The following PLEKHA7 variants were observed in gnomAD, a reference collection of about 807,000 sequenced individuals.
PLEKHA7 encodes pleckstrin homology domain containing A7, also known as pleckstrin homology domain-containing family A member 7.
A neutral mutation model predicts 170.0 loss-of-function variants in PLEKHA7; 104 were observed. The observed-to-expected ratio is 0.61, with a 90% CI of 0.52 to 0.72. The LOEUF (loss-of-function observed/expected upper bound fraction) is 0.72, where lower values mean the gene tolerates loss of function less well. Ranked by LOEUF, PLEKHA7 falls within the 30% of genes least tolerant of loss-of-function variation. The probability of loss-of-function intolerance (pLI) is 0.00; values close to 1 mark genes in which losing one functional copy is unlikely to be tolerated. For synonymous variants in PLEKHA7, 648 were observed against 660.8 expected (o/e 0.98, Z 0.30); for missense variants, 1,615 against 1,671.7 (o/e 0.97, Z 0.59).
chr11:16,991,142 C>G (rs1194300459), intron 3 of PLEKHA7, among the ~76,000 whole-genome samples: 1 of 152,200 alleles, frequency 6.6e-6, no homozygotes, highest in Non-Finnish European at 1.5e-5. Context: ...GCCCAGCCCT[C>G]TGCCCCCGAG....
At chr11:16,961,693 G>A (rs1862070795) in intron 3 of PLEKHA7, among the ~76,000 whole-genome samples, 2 of 152,250 alleles carry the variant, frequency 1.3e-5, no homozygotes, top group Non-Finnish European at 2.9e-5. Flanking sequence ...AGGGCCCGGT[G>A]TGTGGAAGGT....
At chr11:16,883,989 T>TTA (rs966162396) in intron 3 of PLEKHA7, among the ~76,000 whole-genome samples, 15 of 149,098 alleles carry the variant, frequency 1.0e-4, no homozygotes, top group Non-Finnish European at 1.3e-4. Flanking sequence ...ACTTAAAATT[T>TTA]TATATATATA....
chr11:16,845,182 T>A (rs397343), intron 8 of PLEKHA7, among the ~76,000 whole-genome samples: 1 of 152,096 alleles, frequency 6.6e-6, no homozygotes, highest in Non-Finnish European at 1.5e-5. Flanking sequence ...CCACAGTGTG[T>A]TCATCTTCAA....
At chr11:16,983,466 G>A (rs1471482688) in intron 3 of PLEKHA7, among the ~76,000 whole-genome samples, 3 of 152,146 alleles carry the variant, frequency 2.0e-5, no homozygotes, top group African/African-American at 4.8e-5. Flanking sequence ...CATGAAGTCT[G>A]GGAGGAGGAG....
At chr11:16,818,915 T>C (rs1849992185) in intron 10 of PLEKHA7, among the ~76,000 whole-genome samples, 1 of 152,076 alleles carries the variant, frequency 6.6e-6, no homozygotes, top group East Asian at 1.9e-4. Context: ...GTGATTCTCC[T>C]GCCTCAGCCT....
chr11:16,779,530 C>T (rs1590089178), intron 26 of PLEKHA7, among the ~76,000 whole-genome samples: 3 of 152,330 alleles, frequency 2.0e-5, no homozygotes, highest in African/African-American at 7.2e-5. Flanking sequence ...TGTTACTGTG[C>T]TCAGATCTCT....
At chr11:16,861,170 CA>C (rs1853914171) in intron 4 of PLEKHA7, among the ~76,000 whole-genome samples, 1 of 152,064 alleles carries the variant, frequency 6.6e-6, no homozygotes, top group Non-Finnish European at 1.5e-5. Context: ...GTTTAAAGCA[CA>C]GTAATTCTGT....
intron 3 of PLEKHA7, among the ~76,000 whole-genome samples, chr11:17,006,226 G>A (rs111689608): frequency 2.0e-5 from 3 of 151,904 alleles, no homozygotes. Flanking sequence ...CGGGCATGGT[G>A]GTGGGCGCCT....
rs191175769 is a variant in PLEKHA7 at position 16,805,619 on chromosome 11, A to G, written c.2008-2324T>C. On this transcript the variant is annotated intron_variant, in intron 13 of 26. Transcript: ENST00000531066. The stretch of plus-strand genomic sequence containing the variant: ...AGTCTGGCCAACATGGTGAAACCCC[A>G]TCTCTACTAAAAATACAAAAATTAG... Among the ~76,000 whole-genome samples the G allele has an allele frequency of 6.8e-3, 1,037 of 151,810 alleles. 11 individuals carry two copies. The highest frequency in any genetic ancestry group is 0.024 in the African/African-American group (990 of 41,380).
At chr11:17,001,206 C>T (rs1421254010) in intron 3 of PLEKHA7, among the ~76,000 whole-genome samples, 1 of 152,186 alleles carries the variant, frequency 6.6e-6, no homozygotes, top group Non-Finnish European at 1.5e-5. Context: ...CTGGGCACTG[C>T]TGGAGGGCAG....
intron 3 of PLEKHA7, among the ~76,000 whole-genome samples, chr11:16,927,741 C>T (rs1859665095): frequency 6.6e-6 from 1 of 152,196 alleles, no homozygotes; most frequent in Non-Finnish European, 1.5e-5. Context: ...AATTCCGCAA[C>T]CAAGAATTTA....
At chr11:16,901,577 T>C (rs1270403451) in intron 3 of PLEKHA7, among the ~76,000 whole-genome samples, 1 of 152,108 alleles carries the variant, frequency 6.6e-6, no homozygotes, top group East Asian at 1.9e-4. Flanking sequence ...TCACTTAAAG[T>C]GTACAGTGTA....
intron 15 of PLEKHA7, among the ~76,000 whole-genome samples, chr11:16,802,025 A>G (rs1166072691): frequency 6.6e-6 from 1 of 152,158 alleles, no homozygotes; most frequent in Non-Finnish European, 1.5e-5. Context: ...CTGTGCCTCA[A>G]TTTTGTCATC....
chr11:17,006,969 C>A (rs1865036014), intron 3 of PLEKHA7, among the ~76,000 whole-genome samples: 1 of 152,256 alleles, frequency 6.6e-6, no homozygotes, highest in Non-Finnish European at 1.5e-5. Context: ...ACAAAACACA[C>A]ACCCTTGATA....
chr11:16,920,713 G>T (rs191108044), intron 3 of PLEKHA7, among the ~76,000 whole-genome samples: 3 of 152,336 alleles, frequency 2.0e-5, no homozygotes, highest in African/African-American at 4.8e-5. Context: ...CCAAGTTCCA[G>T]TAAAGTGACA....
At chr11:16,956,754 T>C (rs566599709) in intron 3 of PLEKHA7, among the ~76,000 whole-genome samples, 1 of 152,334 alleles carries the variant, frequency 6.6e-6, no homozygotes, top group Non-Finnish European at 1.5e-5. Context: ...CCAGCTTTAT[T>C]CTGGTGCTTC....
chr11:16,787,650 C>T (rs955018177), intron 23 of PLEKHA7: 2 of 152,144 alleles, frequency 1.3e-5, no homozygotes, highest in South Asian at 2.1e-4. Flanking sequence ...GGAAGAACCA[C>T]GCCAATCCAT....
intron 3 of PLEKHA7, among the ~76,000 whole-genome samples, chr11:16,985,401 A>G (rs558138784): frequency 6.6e-6 from 1 of 152,378 alleles, no homozygotes; most frequent in East Asian, 1.9e-4. Context: ...AAACTGAACT[A>G]GAATGGACCC....
rs746250316 is a variant in PLEKHA7, at chr11:17,014,066, G to C, written c.164-20C>G. ...GCAGGTCTGCGGAAACGCCAGAAAAGTCGGGTCAAACTTGGGCCGCCGCTG... is the reference window on the plus strand; with the variant it reads ...GCAGGTCTGCGGAAACGCCAGAAAACTCGGGTCAAACTTGGGCCGCCGCTG... On this transcript the variant is annotated intron_variant, in intron 2 of 26. Transcript: ENST00000531066. 1.3e-6 allele frequency: 2 copies of C among 1,576,440 alleles called. No homozygotes were observed. Among genetic ancestry groups the C allele is most frequent in the South Asian group, 1.1e-5 (1 of 87,182 alleles).
Sources: allele counts gnomAD v4.1 joint callset (sites outside exome capture counted in the v4.1 genomes callset), GRCh38; gene constraint gnomAD v4.1.1; transcripts MANE v1.5; gene names NCBI Gene and HGNC (gene_info 2026-07-23, HGNC 2026-07-21).